The following MINDY3 variants were observed in gnomAD, a reference collection of about 807,000 sequenced individuals.
MINDY3 encodes ubiquitin carboxyl-terminal hydrolase MINDY-3.
Under a neutral mutation model 69.2 loss-of-function variants are expected in MINDY3, and 38 were observed. The ratio of observed to expected loss-of-function variants is 0.55; its 90% CI spans 0.42 to 0.72. The LOEUF (loss-of-function observed/expected upper bound fraction) is 0.72, where lower values mean the gene tolerates loss of function less well. MINDY3 is among the 30% of genes least tolerant of loss of function. The pLI, the probability that MINDY3 is intolerant of heterozygous loss-of-function variation, is 0.00. For synonymous variants in MINDY3, 192 were observed against 180.1 expected (o/e 1.07, Z -0.53); for missense variants, 522 against 519.0 (o/e 1.01, Z -0.06).
intron 6 of MINDY3, 42 bp downstream of exon 6, chr10:15,837,162 C>A: frequency 8.7e-7 from 1 of 1,150,690 alleles, no homozygotes; most frequent in Non-Finnish European, 1.3e-6. Context: ...CAGCACTGAA[C>A]AACATTAATC....
At chr10:15,788,459 C>T (rs1837147646) in intron 12 of MINDY3, among the ~76,000 whole-genome samples, 2 of 151,964 alleles carry the variant, frequency 1.3e-5, no homozygotes, top group South Asian at 4.1e-4. Context: ...ACGGTGTCTA[C>T]CAATGTTTCC....
intron 13 of MINDY3, among the ~76,000 whole-genome samples, chr10:15,783,960 G>A (rs1475646200): frequency 6.6e-6 from 1 of 152,160 alleles, no homozygotes; most frequent in African/African-American, 2.4e-5. Context: ...AAAGTGCATA[G>A]ACTCTGTGGT....
At chr10:15,832,169 G>C (rs531215218) in intron 8 of MINDY3, among the ~76,000 whole-genome samples, 8 of 152,282 alleles carry the variant, frequency 5.3e-5, no homozygotes, top group African/African-American at 1.9e-4. Flanking sequence ...TGAGTACCAA[G>C]TGTGAGAGAG....
At chr10:15,854,740 G>A (rs1032820860) in intron 1 of MINDY3, among the ~76,000 whole-genome samples, 1 of 152,070 alleles carries the variant, frequency 6.6e-6, no homozygotes, top group Admixed American at 6.6e-5. Context: ...TTGTATTGGT[G>A]CTGGACACAA....
chr10:15,795,963 C>G, intron 11 of MINDY3, 137 bp downstream of exon 11: 2 of 719,618 alleles, frequency 2.8e-6, no homozygotes, highest in Non-Finnish European at 4.7e-6. Flanking sequence ...CACTACTTTC[C>G]TTTTAAAATG....
chr10:15,825,694 A>G (rs1170199595), intron 8 of MINDY3, among the ~76,000 whole-genome samples: 1 of 152,250 alleles, frequency 6.6e-6, no homozygotes, highest in Non-Finnish European at 1.5e-5. Flanking sequence ...GACAAATTAA[A>G]GTTGTATATA....
At chr10:15,860,155 C>T in intron 1 of MINDY3, 51 bp downstream of exon 1, 1 of 1,399,960 alleles carries the variant, frequency 7.1e-7, no homozygotes. Context: ...GGCGGACTCT[C>T]GCAGGGCAAA....
chr10:15,852,217 T>C (rs991869509), intron 1 of MINDY3, among the ~76,000 whole-genome samples: 4 of 152,150 alleles, frequency 2.6e-5, no homozygotes, highest in African/African-American at 9.7e-5. Context: ...CTGGTCATTG[T>C]TTTCCCACAG....
At chr10:15,805,912 G>A (rs1185695179) in intron 10 of MINDY3, among the ~76,000 whole-genome samples, 1 of 152,116 alleles carries the variant, frequency 6.6e-6, no homozygotes, top group African/African-American at 2.4e-5. Flanking sequence ...AGAGAGGTAT[G>A]GTGGCTGTGG....
intron 4 of MINDY3, among the ~76,000 whole-genome samples, chr10:15,839,979 G>A (rs949615186): frequency 1.3e-5 from 2 of 151,554 alleles, no homozygotes; most frequent in East Asian, 1.9e-4. Context: ...GCAACGTGAC[G>A]TATCACCACA....
At chr10:15,817,517 G>C (rs776675239) in intron 9 of MINDY3, 2 of 151,992 alleles carry the variant, frequency 1.3e-5, no homozygotes, top group Non-Finnish European at 2.9e-5. Context: ...TGCTCTCAAG[G>C]TTACATAATC....
intron 12 of MINDY3, among the ~76,000 whole-genome samples, chr10:15,787,194 T>C (rs1837035870): frequency 6.6e-6 from 1 of 152,116 alleles, no homozygotes. Context: ...AAAGAGCTAA[T>C]GCGTCATGAA....
intron 11 of MINDY3, among the ~76,000 whole-genome samples, chr10:15,793,771 TA>T (rs1414792004): frequency 2.6e-5 from 4 of 152,078 alleles, no homozygotes; most frequent in Non-Finnish European, 4.4e-5. Context: ...GCCTATCTCC[TA>T]GGTTTGTGGC....
chr10:15,799,096 A>G (rs1400726716), intron 10 of MINDY3, among the ~76,000 whole-genome samples: 2 of 152,168 alleles, frequency 1.3e-5, no homozygotes, highest in African/African-American at 4.8e-5. Context: ...CTATGTTCCA[A>G]TAAAACTTTA....
rs1454235016 is a variant in MINDY3 at position 15,827,763 on chromosome 10, C to T, written c.730+5867G>A. The stretch of plus-strand genomic sequence containing the variant: ...CAAAAAGATGGGAAGAGGTAATTCA[C>T]AGAAGAAGAATACTCAAAACTCACA... On this transcript the variant is annotated intron_variant, in intron 8 of 14. Transcript: ENST00000277632. Among the ~76,000 whole-genome samples the T allele has an allele frequency of 3.3e-5, 5 of 152,074 alleles. No individual in the cohort carries two copies. The East Asian group carries it at 9.7e-4, about 29-fold the overall frequency.
At chr10:15,782,037 A>T in intron 14 of MINDY3, 118 bp downstream of exon 14, 1 of 768,492 alleles carries the variant, frequency 1.3e-6, no homozygotes, top group Non-Finnish European at 2.2e-6. Flanking sequence ...TCCTCATAGT[A>T]AAGAGACTCC....
chr10:15,799,548 C>T (rs1333781226), intron 10 of MINDY3, among the ~76,000 whole-genome samples: 2 of 152,038 alleles, frequency 1.3e-5, no homozygotes, highest in Admixed American at 6.6e-5. Context: ...GGAGTAAAGA[C>T]ATCTTAATCA....
At chr10:15,810,817 G>A (rs1838948430) in intron 10 of MINDY3, among the ~76,000 whole-genome samples, 2 of 151,960 alleles carry the variant, frequency 1.3e-5, no homozygotes, top group South Asian at 2.1e-4. Flanking sequence ...CTAGTACCCA[G>A]AATATATTAA....
At chr10:15,782,470 C>T (rs1836622051) in intron 13 of MINDY3, 2 of 405,896 alleles carry the variant, frequency 4.9e-6, no homozygotes, top group Non-Finnish European at 8.6e-6. Flanking sequence ...CTCTTCAGAA[C>T]TAACTTATTT....
Sources: allele counts gnomAD v4.1 joint callset (sites outside exome capture counted in the v4.1 genomes callset), GRCh38; gene constraint gnomAD v4.1.1; transcripts MANE v1.5; gene names NCBI Gene and HGNC (gene_info 2026-07-23, HGNC 2026-07-21).